The following CHST9 variants were observed in gnomAD, a reference collection of about 807,000 sequenced individuals.
CHST9 encodes the protein carbohydrate sulfotransferase 9.
CHST9 carries 41 observed loss-of-function variants against 44.4 expected under a neutral mutation model. The observed-to-expected ratio is 0.92, with a 90% confidence interval of 0.72 to 1.20. The LOEUF (loss-of-function observed/expected upper bound fraction) is 1.20, where lower values mean the gene tolerates loss of function less well. Ranked by LOEUF, CHST9 falls within the 50% of genes most tolerant of loss-of-function variation. The probability of loss-of-function intolerance (pLI) is 0.00; values close to 1 mark genes in which losing one functional copy is unlikely to be tolerated. For missense variants in CHST9, 504 were observed against 516.5 expected (o/e 0.98, Z 0.23); for synonymous variants, 171 against 178.4 (o/e 0.96, Z 0.33).
intron 4 of CHST9, among the ~76,000 whole-genome samples, chr18:26,957,078 C>A (rs894277820): frequency 1.3e-5 from 2 of 152,130 alleles, no homozygotes; most frequent in Admixed American, 6.5e-5. Context: ...AGAGAGTAGC[C>A]TTTCATTGCA....
chr18:27,015,358 T>TGTGC (rs1239746649), intron 4 of CHST9, among the ~76,000 whole-genome samples: 3 of 149,628 alleles, frequency 2.0e-5, no homozygotes, highest in Non-Finnish European at 4.5e-5. Flanking sequence ...TGTGTGTGTG[T>TGTGC]GCAGGCACTA....
Position 26,935,899 on chromosome 18 carries a change from C to CT in CHST9, c.240+8429dup, listed in dbSNP as rs1356020226. 2.0e-5 allele frequency: 3 copies of CT among 152,262 alleles called. No individual in the cohort carries two copies. The South Asian group carries it at 6.2e-4, about 32-fold the overall frequency. The allele number at this position is 152,262 out of a possible 1,614,324, so 9.4% of individuals were successfully genotyped here. On this transcript the variant is annotated intron_variant, in intron 5 of 5. Transcript: ENST00000618847. ...TGTTTTCTGCGAAAAACAAGTGCTA[C>CT]TTTGTCAAATAAAGCTTAAATAAAA...
At chr18:27,167,235 C>T (rs552378518) in intron 1 of CHST9, among the ~76,000 whole-genome samples, 33 of 151,730 alleles carry the variant, frequency 2.2e-4, no homozygotes, top group African/African-American at 8.0e-4. Context: ...TTATTTTAAA[C>T]TCTTCACCTA....
At chr18:27,182,613 G>A (rs550623290) in intron 1 of CHST9, among the ~76,000 whole-genome samples, 2 of 152,250 alleles carry the variant, frequency 1.3e-5, no homozygotes, top group East Asian at 1.9e-4. Context: ...ATAAAATACC[G>A]TAATATTGAA....
chr18:27,178,640 G>A (rs2058886850), intron 1 of CHST9, among the ~76,000 whole-genome samples: 1 of 131,524 alleles, frequency 7.6e-6, no homozygotes, highest in African/African-American at 2.9e-5. Context: ...TAATCTCTCT[G>A]CAAATACTGT....
intron 4 of CHST9, among the ~76,000 whole-genome samples, chr18:27,015,500 G>GC (rs930188765): frequency 6.6e-5 from 10 of 152,212 alleles, no homozygotes; most frequent in African/African-American, 2.2e-4. Context: ...CCATCTGCCT[G>GC]CCCCCAGTCT....
chr18:27,050,549 G>A (rs1426493285), intron 2 of CHST9, among the ~76,000 whole-genome samples: 1 of 152,164 alleles, frequency 6.6e-6, no homozygotes, highest in Non-Finnish European at 1.5e-5. Context: ...GGTGGAAAAT[G>A]TACAATCTTC....
intron 1 of CHST9, 167 bp from the exon 2 acceptor site, chr18:27,143,072 T>A (rs537452130): frequency 7.0e-4 from 173 of 248,862 alleles, no homozygotes; most frequent in Non-Finnish European, 1.1e-3. Flanking sequence ...AATTTTCTAT[T>A]GCATACTTTT....
intron 2 of CHST9, among the ~76,000 whole-genome samples, chr18:27,053,180 AAG>A (rs1397256500): frequency 5.5e-5 from 8 of 146,618 alleles, no homozygotes; most frequent in East Asian, 4.0e-4. Flanking sequence ...GAAGAAGAAG[AAG>A]AAGAAGAAGA....
At chr18:27,135,649 G>GT (rs2058507497) in intron 2 of CHST9, among the ~76,000 whole-genome samples, 1 of 152,124 alleles carries the variant, frequency 6.6e-6, no homozygotes, top group Admixed American at 6.5e-5. Flanking sequence ...AAAAATCCCC[G>GT]TATCGGGGCC....
intron 4 of CHST9, among the ~76,000 whole-genome samples, chr18:26,949,647 C>T (rs71353417): frequency 0.17 from 25,173 of 152,172 alleles, 2,226 homozygotes; most frequent in East Asian, 0.24. Context: ...ATGACAATTA[C>T]GGCAGATTGA....
At chr18:26,953,174 A>G (rs987824644) in intron 4 of CHST9, among the ~76,000 whole-genome samples, 1 of 152,102 alleles carries the variant, frequency 6.6e-6, no homozygotes, top group Admixed American at 6.5e-5. Context: ...AATTCTAGAG[A>G]TATGGTGAGT....
intron 2 of CHST9, among the ~76,000 whole-genome samples, chr18:27,139,496 CACACAT>C (rs200415423): frequency 4.3e-4 from 64 of 150,086 alleles, no homozygotes; most frequent in African/African-American, 1.0e-3. Context: ...CACACACACA[CACACAT>C]ATATATATAT....
intron 2 of CHST9, among the ~76,000 whole-genome samples, chr18:27,052,971 T>C (rs1294615735): frequency 6.6e-6 from 1 of 151,508 alleles, no homozygotes; most frequent in Non-Finnish European, 1.5e-5. Flanking sequence ...ACCTAGTGCA[T>C]GCAGGGCTTA....
At chr18:27,025,788 A>T (rs1472980585) in intron 3 of CHST9, among the ~76,000 whole-genome samples, 1 of 152,182 alleles carries the variant, frequency 6.6e-6, no homozygotes, top group Non-Finnish European at 1.5e-5. Context: ...CACCCAGGTA[A>T]TGGTAGCATG....
chr18:26,915,145 G>A lies in CHST9; in HGVS notation c.*1114C>T. 1 of 393,538 alleles carries A rather than the reference G, an allele frequency of 2.5e-6. No individual in the cohort carries two copies. The allele number at this position is 393,538 out of a possible 1,614,324, so 24.4% of individuals were successfully genotyped here. A position where few individuals can be genotyped will look rare whatever the true frequency, so the allele number is the denominator to read the frequency against. On this transcript the variant is annotated 3_prime_UTR_variant, in exon 6 of 6. Coordinates refer to ENST00000618847, the MANE Select transcript of CHST9 (RefSeq NM_031422.6). ...AGTATAGAATATTTAAACTTAAAAAGAAAATACCTTAATTTACTTATGCAT... is the reference window on the plus strand; with the variant it reads ...AGTATAGAATATTTAAACTTAAAAAAAAAATACCTTAATTTACTTATGCAT...
At chr18:26,937,616 G>T (rs923634839) in intron 5 of CHST9, among the ~76,000 whole-genome samples, 1 of 152,174 alleles carries the variant, frequency 6.6e-6, no homozygotes, top group African/African-American at 2.4e-5. Flanking sequence ...ACTGTAGATA[G>T]CATTGGATTG....
intron 1 of CHST9, among the ~76,000 whole-genome samples, chr18:27,159,815 G>A (rs891772435): frequency 1.3e-5 from 2 of 152,118 alleles, no homozygotes; most frequent in Non-Finnish European, 2.9e-5. Context: ...TCCTTGAAGA[G>A]GTCCTTTACG....
intron 2 of CHST9, among the ~76,000 whole-genome samples, chr18:27,121,122 G>T (rs1054605383): frequency 3.3e-5 from 5 of 152,032 alleles, no homozygotes; most frequent in East Asian, 1.9e-4. Flanking sequence ...CCCGCCTCAG[G>T]CTCTCCAGCA....
Sources: allele counts gnomAD v4.1 joint callset (sites outside exome capture counted in the v4.1 genomes callset), GRCh38; gene constraint gnomAD v4.1.1; transcripts MANE v1.5; gene names NCBI Gene and HGNC (gene_info 2026-07-23, HGNC 2026-07-21).